Variants in RNF17 observed in about 807,000 individuals in gnomAD.
RNF17 encodes the protein spermatogenesis associated 23.
Under a neutral mutation model 200.5 loss-of-function variants are expected in RNF17, and 31 were observed. The ratio of observed to expected loss-of-function variants is 0.15; its 90% CI spans 0.12 to 0.21. The LOEUF is 0.21. RNF17 is among the 10% of genes least tolerant of loss of function. The pLI, the probability that RNF17 is intolerant of heterozygous loss-of-function variation, is 1.00. For missense variants in RNF17, 1,628 were observed against 1,905.1 expected (o/e 0.85, Z 2.71); for synonymous variants, 606 against 637.8 (o/e 0.95, Z 0.75).
intron 8 of RNF17, 100 bp downstream of exon 8, chr13:24,789,524 C>A: frequency 2.9e-6 from 3 of 1,021,308 alleles, no homozygotes; most frequent in South Asian, 1.5e-5. Context: ...AATTTTGGGT[C>A]ACAAATGTTT....
the RNF17 span, among the ~76,000 whole-genome samples, chr13:24,747,953 C>T: frequency 2.0e-5 from 3 of 152,204 alleles, no homozygotes; most frequent in Non-Finnish European, 4.4e-5. Flanking sequence ...AGGCAAGCCT[C>T]GGCCCGGTAC....
At chr13:24,814,017 A>G (rs1393473366) in intron 15 of RNF17, among the ~76,000 whole-genome samples, 1 of 152,108 alleles carries the variant, frequency 6.6e-6, no homozygotes, top group African/African-American at 2.4e-5. Context: ...ACTGTTGATT[A>G]GAAGCCTTAA....
chr13:24,841,536 A>G (rs956832164), intron 18 of RNF17, among the ~76,000 whole-genome samples: 1 of 152,220 alleles, frequency 6.6e-6, no homozygotes, highest in Non-Finnish European at 1.5e-5. Context: ...TAATTTGTAT[A>G]TGTTACAGAC....
intron 17 of RNF17, among the ~76,000 whole-genome samples, chr13:24,831,264 C>A (rs1240167283): frequency 6.6e-6 from 1 of 152,032 alleles, no homozygotes; most frequent in African/African-American, 2.4e-5. Context: ...CATGATGAAA[C>A]CCCATCTCTA....
upstream of RNF17, chr13:24,764,158 C>A: frequency 6.5e-7 from 1 of 1,536,428 alleles, no homozygotes; most frequent in South Asian, 1.2e-5. Context: ...CCGCGAGGGC[C>A]GCCGGGACTC....
intron 22 of RNF17, among the ~76,000 whole-genome samples, chr13:24,846,770 G>A (rs1891301256): frequency 1.3e-5 from 2 of 152,200 alleles, no homozygotes; most frequent in Admixed American, 1.3e-4. Flanking sequence ...TACATTCAAA[G>A]CTGTCCTGGG....
chr13:24,778,912 C>T (rs1194381661), intron 4 of RNF17, among the ~76,000 whole-genome samples: 1 of 152,146 alleles, frequency 6.6e-6, no homozygotes, highest in Non-Finnish European at 1.5e-5. Context: ...ATGGAGGCCA[C>T]GTGCAGTGGC....
downstream of RNF17, among the ~76,000 whole-genome samples, chr13:24,881,102 C>T (rs1185515624): frequency 1.3e-5 from 2 of 152,018 alleles, no homozygotes; most frequent in Non-Finnish European, 2.9e-5. Flanking sequence ...GCTTGCCTTT[C>T]CCCTGTTTTG....
rs1053499487 is a variant in RNF17 at position 24,850,183 on chromosome 13, T to C, written c.3102-158T>C. Among the ~76,000 whole-genome samples, 15 of 152,216 alleles carry C rather than the reference T, an allele frequency of 9.9e-5. 1 individual carries two copies. The highest frequency in any genetic ancestry group is 1.2e-4 in the Non-Finnish European group (8 of 68,042). ...AAAGATAGGAAAATGAGGGAAAAAATTGTAAAAATAATACGAATCCATGTT... is the reference window on the plus strand; with the variant it reads ...AAAGATAGGAAAATGAGGGAAAAAACTGTAAAAATAATACGAATCCATGTT... On this transcript the variant is annotated intron_variant, in intron 22 of 35. Coordinates refer to ENST00000255324, the MANE Select transcript of RNF17 (RefSeq NM_031277.3).
At chr13:24,837,725 C>A (rs1213852998) in intron 18 of RNF17, among the ~76,000 whole-genome samples, 1 of 152,072 alleles carries the variant, frequency 6.6e-6, no homozygotes, top group Non-Finnish European at 1.5e-5. Context: ...GCCCTACATG[C>A]CCACATCAAA....
chr13:24,879,139 CA>C, intron 34 of RNF17, 47 bp from the exon 35 acceptor site: 4 of 1,400,646 alleles, frequency 2.9e-6, no homozygotes, highest in Non-Finnish European at 4.1e-6. Flanking sequence ...AGGGAAAAGG[CA>C]GCAAAGACAT....
At chr13:24,796,023 C>T in intron 10 of RNF17, 114 bp from the exon 11 acceptor site, 1 of 662,790 alleles carries the variant, frequency 1.5e-6, no homozygotes, top group Non-Finnish European at 2.4e-6. Flanking sequence ...TGCGATATTC[C>T]CAGAGTTCAC....
intron 14 of RNF17, among the ~76,000 whole-genome samples, chr13:24,803,153 C>T (rs1885457367): frequency 6.6e-6 from 1 of 151,828 alleles, no homozygotes; most frequent in Non-Finnish European, 1.5e-5. Flanking sequence ...TAACTATTAG[C>T]AGCTGTATGA....
At chr13:24,823,709 G>A (rs1331937394) in intron 15 of RNF17, among the ~76,000 whole-genome samples, 2 of 152,112 alleles carry the variant, frequency 1.3e-5, no homozygotes, top group Admixed American at 1.3e-4. Context: ...CAGACATGTG[G>A]CTTTGTAAAC....
At chr13:24,880,124 T>C (rs984911807), downstream of RNF17, among the ~76,000 whole-genome samples, 1 of 151,152 alleles carries the variant, frequency 6.6e-6, no homozygotes, top group Non-Finnish European at 1.5e-5. Context: ...GACTGGTTAA[T>C]TTAGAAAGGA....
chr13:24,845,816 C>A (rs1891201145), intron 22 of RNF17, among the ~76,000 whole-genome samples: 1 of 152,192 alleles, frequency 6.6e-6, no homozygotes, highest in Non-Finnish European at 1.5e-5. Flanking sequence ...CGTATAACCT[C>A]TTGAAAGTAA....
At chr13:24,884,526 C>A, downstream of RNF17, 1 of 1,513,628 alleles carries the variant, frequency 6.6e-7, no homozygotes, top group South Asian at 1.1e-5. Context: ...GGCTAATTCT[C>A]CTCCCAACTG....
intron 24 of RNF17, among the ~76,000 whole-genome samples, chr13:24,852,343 T>G (rs575901728): frequency 1.4e-4 from 21 of 152,242 alleles, no homozygotes; most frequent in Admixed American, 8.5e-4. Flanking sequence ...TTTCACCGTG[T>G]TAGCCAGGAT....
chr13:24,816,488 T>G (rs1379534446), intron 15 of RNF17, among the ~76,000 whole-genome samples: 1 of 151,962 alleles, frequency 6.6e-6, no homozygotes, highest in Non-Finnish European at 1.5e-5. Context: ...AACACCAGAG[T>G]CATGCAAATA....
Sources: gnomAD v4.1 joint callset for allele counts (sites outside exome capture counted in the v4.1 genomes callset) on GRCh38, gnomAD v4.1.1 for gene constraint, MANE v1.5 for transcripts, NCBI Gene and HGNC (gene_info 2026-07-23, HGNC 2026-07-21) for gene names.